The following ARHGEF16 variants were observed in gnomAD, a reference collection of about 807,000 sequenced individuals.
The protein encoded by ARHGEF16 is Rho guanine nucleotide exchange factor 16, also known as Rho guanine exchange factor (GEF) 16.
In ARHGEF16, 59 loss-of-function variants were observed where a neutral mutation model predicts 74.1. The observed-to-expected ratio is 0.80, with a 90% CI of 0.65 to 0.99. The LOEUF (loss-of-function observed/expected upper bound fraction) is 0.99, where lower values mean the gene tolerates loss of function less well. ARHGEF16 is among the 50% of genes least tolerant of loss of function. The pLI, the probability that ARHGEF16 is intolerant of heterozygous loss-of-function variation, is 0.00. For synonymous variants in ARHGEF16, 415 were observed against 412.6 expected (o/e 1.01, Z -0.07); for missense variants, 948 against 986.6 (o/e 0.96, Z 0.52).
rs530322697 is a variant in ARHGEF16, at chr1:3,469,661, G to A, written c.1022+68G>A. ...GAAGGTGCCTCCCCCCGTGGGCACC[G>A]CACTGTCATCAGCAGGCCCCTGGGA... is the stretch of plus-strand genomic sequence containing the variant. On this transcript the variant is annotated intron_variant, in intron 6 of 14. Coordinates refer to ENST00000378378, the MANE Select transcript of ARHGEF16 (RefSeq NM_014448.4). 41 of 1,581,246 alleles carry A rather than the reference G, an allele frequency of 2.6e-5. No homozygotes were observed. In the East Asian group the frequency reaches 2.7e-4, roughly 10 times the overall value.
intron 8 of ARHGEF16, chr1:3,474,005 C>T (rs1022071897): frequency 3.4e-5 from 8 of 234,682 alleles, no homozygotes; most frequent in African/African-American, 1.6e-4. Context: ...AAGGTGTACA[C>T]ACACACGCAC....
chr1:3,468,936 G>A lies in ARHGEF16; in HGVS notation c.861G>A (p.Glu287=), dbSNP rs1286273193. The A allele has an allele frequency of 3.9e-6, 6 of 1,550,034 alleles. No individual in the cohort carries two copies. The highest frequency in any genetic ancestry group is 5.2e-6 in the Non-Finnish European group (6 of 1,146,780). ...CCACTGAGGAGCGGAAAAGGCAGGA[G>A]GTAAAAGGGCCCTGGGCGGGAGGGC... is the stretch of plus-strand genomic sequence containing the variant. ...QLSTEERKRQ[E]AMFEILTSEF... The change falls in exon 5 of 15, where the codon GAG becomes GAA. Residue 287 remains glutamate (E), a splice_region_variant and synonymous_variant. Transcript: ENST00000378378.
chr1:3,470,880 G>C (rs1639697531), intron 6 of ARHGEF16, among the ~76,000 whole-genome samples: 1 of 143,834 alleles, frequency 7.0e-6, no homozygotes, highest in African/African-American at 2.6e-5. Context: ...AGGGGTGTAT[G>C]TGCGTGGGTG....
chr1:3,462,048 G>C (rs1639409859), intron 1 of ARHGEF16, among the ~76,000 whole-genome samples: 1 of 152,056 alleles, frequency 6.6e-6, no homozygotes, highest in African/African-American at 2.4e-5. Context: ...CAGTGGGGTA[G>C]AGATGGGCTC....
At chr1:3,478,160 A>G in intron 11 of ARHGEF16, 134 bp downstream of exon 11, 1 of 1,276,072 alleles carries the variant, frequency 7.8e-7, no homozygotes, top group Non-Finnish European at 1.1e-6. Context: ...TCCACTCGGC[A>G]CATGCTCTAC....
intron 6 of ARHGEF16, chr1:3,471,870 C>T (rs113422854): frequency 2.3e-4 from 234 of 1,027,954 alleles, no homozygotes; most frequent in Admixed American, 6.5e-4. Context: ...CCGGCCTGGC[C>T]GGCCTGGGCA....
intron 9 of ARHGEF16, among the ~76,000 whole-genome samples, chr1:3,475,755 C>T (rs1191282325): frequency 6.7e-6 from 1 of 150,172 alleles, no homozygotes; most frequent in African/African-American, 2.4e-5. Context: ...CCAGATTATC[C>T]ATCCCAAGCC....
In ARHGEF16 at chr1:3,473,154, G is replaced by T. The variant is rs147324873; in HGVS notation, c.1099G>T (p.Ala367Ser). 7.6e-4 allele frequency: 1,228 copies of T among 1,613,168 alleles called. 1 individual carries two copies. The highest frequency in any genetic ancestry group is 9.5e-4 in the Non-Finnish European group (1,126 of 1,179,822). ...EDISDILEEH[A>S]EKHFHPYIAY... ...CATCAGTGACATCCTGGAGGAGCAC[G>T]CTGAGAAGCACTTCCACCCCTACAT... The change falls in exon 7 of 15, where the codon GCT becomes TCT. Residue 367 changes from alanine (A) to serine (S), a missense_variant. Ala to Ser is a moderately conservative substitution (Grantham distance 99). Coordinates refer to ENST00000378378, the MANE Select transcript of ARHGEF16 (RefSeq NM_014448.4).
At chr1:3,479,033 C>A (rs1365876396) in intron 12 of ARHGEF16, among the ~76,000 whole-genome samples, 1 of 152,228 alleles carries the variant, frequency 6.6e-6, no homozygotes, top group South Asian at 2.1e-4. Flanking sequence ...TGCAGCGACC[C>A]TGGCCGGTAG....
intron 4 of ARHGEF16, among the ~76,000 whole-genome samples, chr1:3,467,915 G>A (rs182684777): frequency 5.9e-5 from 9 of 152,188 alleles, no homozygotes; most frequent in Non-Finnish European, 1.2e-4. Context: ...GGCGGGCAGC[G>A]GGGAGGGCGG....
intron 2 of ARHGEF16, among the ~76,000 whole-genome samples, chr1:3,465,532 C>T (rs1186745485): frequency 6.6e-6 from 1 of 152,192 alleles, no homozygotes; most frequent in Admixed American, 6.5e-5. Flanking sequence ...ACCACACACT[C>T]CCAACCAGTA....
chr1:3,473,890 T>C, intron 8 of ARHGEF16: 1 of 344,264 alleles, frequency 2.9e-6, no homozygotes, highest in Non-Finnish European at 5.5e-6. Context: ...CCCTGGCACC[T>C]ACTCTCCCTG....
In ARHGEF16 at chr1:3,478,561, T is replaced by A. The variant is rs755693409; in HGVS notation, c.1763T>A (p.Leu588His). Reference sequence around the variant, plus strand: ...CCCCACCCCTTCCAGGTGACCCTGCTTCGCAACAGCGAGGGCCGCCAGGAG... The same window carrying A: ...CCCCACCCCTTCCAGGTGACCCTGCATCGCAACAGCGAGGGCCGCCAGGAG... ...SVPHPFQVTL[L>H]RNSEGRQEQL... Residue 588 changes from leucine to histidine, a missense_variant, in exon 12 of 15, where the codon CTT (leucine) becomes CAT (histidine). By Grantham distance (99) the Leu-to-His change is moderately conservative. Transcript: ENST00000378378. 3.1e-6 allele frequency: 5 copies of A among 1,612,586 alleles called. No individual in the cohort carries two copies. In the South Asian group the frequency reaches 5.5e-5, roughly 18 times the overall value.
intron 9 of ARHGEF16, 84 bp from the exon 10 acceptor site, chr1:3,475,886 G>A (rs1011927208): frequency 2.7e-5 from 37 of 1,369,402 alleles, no homozygotes; most frequent in Non-Finnish European, 3.7e-5. Flanking sequence ...TGGCTGGGCA[G>A]GTGTCCTGGG....
rs572558036 is a variant in ARHGEF16, at chr1:3,463,736, C to T, written c.588+64C>T. On this transcript the variant is annotated intron_variant, in intron 2 of 14. Coordinates refer to ENST00000378378, the MANE Select transcript of ARHGEF16 (RefSeq NM_014448.4). ...CTAGGCAGAGGGGCGGCCTGGCCGTCTCCACCACCGTCATCTTCTGCATCA... is the reference window on the plus strand; with the variant it reads ...CTAGGCAGAGGGGCGGCCTGGCCGTTTCCACCACCGTCATCTTCTGCATCA... The T allele has an allele frequency of 2.1e-5, 27 of 1,287,308 alleles. No individual in the cohort carries two copies. The African/African-American group carries it at 3.6e-4, about 17-fold the overall frequency. 79.7% of individuals were successfully genotyped at this position (1,287,308 alleles called of 1,614,324 possible). A position where few individuals can be genotyped will look rare whatever the true frequency, so the allele number is the denominator to read the frequency against.
intron 6 of ARHGEF16, 38 bp downstream of exon 6, chr1:3,469,631 G>C: frequency 6.2e-7 from 1 of 1,609,660 alleles, no homozygotes. Flanking sequence ...AGGGTCCTCT[G>C]CCAGGAAGGT....
chr1:3,466,684 C>T (rs991284413), intron 3 of ARHGEF16, among the ~76,000 whole-genome samples: 7 of 152,188 alleles, frequency 4.6e-5, no homozygotes, highest in African/African-American at 1.4e-4. Flanking sequence ...GTGCCTGCTA[C>T]CTGGGTCCAA....
intron 6 of ARHGEF16, 162 bp from the exon 7 acceptor site, chr1:3,472,916 T>G (rs1569866626): frequency 7.2e-4 from 115 of 159,270 alleles, no homozygotes; most frequent in Middle Eastern, 6.1e-3. Flanking sequence ...CAGGTCCGGG[T>G]CCCGCCCCAA....
intron 14 of ARHGEF16, 146 bp from the exon 15 acceptor site, chr1:3,480,302 G>C: frequency 8.2e-7 from 1 of 1,213,084 alleles, no homozygotes; most frequent in Non-Finnish European, 1.1e-6. Context: ...CATGAGCAAG[G>C]CCTCAGCAGC....
Sources: allele counts gnomAD v4.1 joint callset (sites outside exome capture counted in the v4.1 genomes callset), GRCh38; gene constraint gnomAD v4.1.1; transcripts MANE v1.5; gene names NCBI Gene and HGNC (gene_info 2026-07-23, HGNC 2026-07-21).